ZNF69: variants seen among roughly 807,000 people sequenced by gnomAD.
The protein encoded by ZNF69 is zinc finger protein 69.
A neutral mutation model predicts 50.9 loss-of-function variants in ZNF69; 47 were observed. The ratio of observed to expected loss-of-function variants is 0.92; its 90% CI spans 0.73 to 1.18. The LOEUF (loss-of-function observed/expected upper bound fraction) is 1.18, where lower values mean the gene tolerates loss of function less well. Ranked by LOEUF, ZNF69 falls within the 50% of genes most tolerant of loss-of-function variation. The pLI is 0.00. For synonymous variants in ZNF69, 216 were observed against 223.1 expected (o/e 0.97, Z 0.29); for missense variants, 717 against 675.1 (o/e 1.06, Z -0.69).
At position 11,906,621 on chromosome 19, in the gene ZNF69, T is replaced by G. The variant is rs1010101793; in HGVS notation, c.*523T>G. ...GACCTCAGCTGAGGGTCCTGACTGT[T>G]AGAAGGAAAACTAACAAACAGAAAG... On this transcript the variant is annotated 3_prime_UTR_variant, in exon 4 of 4. Coordinates refer to ENST00000429654, the MANE Select transcript of ZNF69 (RefSeq NM_001364730.1). 1.3e-5 allele frequency among the ~76,000 whole-genome samples: 2 copies of G among 152,130 alleles called. No individual in the cohort carries two copies. Among genetic ancestry groups the G allele is most frequent in the Non-Finnish European group, 2.9e-5 (2 of 68,028 alleles).
chr19:11,955,984 G>A, the ZNF69 span, among the ~76,000 whole-genome samples: 1 of 152,128 alleles, frequency 6.6e-6, no homozygotes, highest in African/African-American at 2.4e-5. Context: ...TGAACACAAA[G>A]TTTGAGGGTA....
At chr19:11,968,137 G>A in the ZNF69 span, among the ~76,000 whole-genome samples, 1 of 152,078 alleles carries the variant, frequency 6.6e-6, no homozygotes, top group East Asian at 1.9e-4. Flanking sequence ...GGAGCTGATT[G>A]GTCTTTCTCT....
chr19:11,893,157 GT>G lies in ZNF69; in HGVS notation c.63+5173del, dbSNP rs1448668437. 2.6e-5 allele frequency among the ~76,000 whole-genome samples: 4 copies of G among 152,268 alleles called. 1 individual carries two copies. Among genetic ancestry groups the G allele is most frequent in the African/African-American group, 9.6e-5 (4 of 41,556 alleles). ...GCCTGACTTAGGTAGAAATTTTCTA[GT>G]TATGTAATCAGAGGTTAATTGGTGG... On this transcript the variant is annotated intron_variant, in intron 1 of 3. Transcript: ENST00000429654.
At chr19:11,948,375 G>A in the ZNF69 span, 7 of 1,613,896 alleles carry the variant, frequency 4.3e-6, no homozygotes, top group Admixed American at 5.0e-5. Context: ...TCCAGGAGAA[G>A]AAAGCTTCTC....
At chr19:11,944,340 C>T in the ZNF69 span, among the ~76,000 whole-genome samples, 1 of 152,074 alleles carries the variant, frequency 6.6e-6, no homozygotes, top group Non-Finnish European at 1.5e-5. Flanking sequence ...ACAGGGAGAG[C>T]TTGTACACAC....
chr19:11,917,091 G>C (rs1972528900), downstream of ZNF69, among the ~76,000 whole-genome samples: 2 of 152,142 alleles, frequency 1.3e-5, no homozygotes, highest in African/African-American at 4.8e-5. Context: ...AAGTACAGGT[G>C]GCCCCTGGGG....
the ZNF69 span, among the ~76,000 whole-genome samples, chr19:11,961,249 G>T: frequency 7.7e-4 from 118 of 152,302 alleles, no homozygotes; most frequent in East Asian, 0.021. Context: ...AGAGAACTCT[G>T]TCTCTCCAAC....
chr19:11,928,172 G>A, the ZNF69 span, among the ~76,000 whole-genome samples: 1 of 152,040 alleles, frequency 6.6e-6, no homozygotes. Flanking sequence ...TTTTTACAGA[G>A]GTTAGGTCTC....
chr19:11,979,241 A>G, the ZNF69 span: 1 of 1,612,168 alleles, frequency 6.2e-7, no homozygotes, highest in Non-Finnish European at 8.5e-7. Context: ...TCCTTTCAGT[A>G]TCATGAAAGG....
At chr19:11,896,762 A>G (rs1261648852) in intron 1 of ZNF69, among the ~76,000 whole-genome samples, 1 of 152,186 alleles carries the variant, frequency 6.6e-6, no homozygotes, top group Non-Finnish European at 1.5e-5. Flanking sequence ...CATATTCTAT[A>G]GAGCATCTTG....
At chr19:11,958,984 G>A in the ZNF69 span, among the ~76,000 whole-genome samples, 2 of 152,170 alleles carry the variant, frequency 1.3e-5, no homozygotes, top group African/African-American at 2.4e-5. Flanking sequence ...CCAGGTTCAA[G>A]CGATTCTCTT....
At chr19:11,937,210 C>T in the ZNF69 span, among the ~76,000 whole-genome samples, 1 of 152,160 alleles carries the variant, frequency 6.6e-6, no homozygotes. Context: ...GTGAGTTTTG[C>T]ATTTTCCATT....
At chr19:11,945,433 A>T in the ZNF69 span, among the ~76,000 whole-genome samples, 1 of 152,160 alleles carries the variant, frequency 6.6e-6, no homozygotes, top group African/African-American at 2.4e-5. Flanking sequence ...CTGGCTTGGG[A>T]ACAGGCAGGA....
the ZNF69 span, among the ~76,000 whole-genome samples, chr19:11,970,690 G>A: frequency 6.6e-6 from 1 of 152,158 alleles, no homozygotes; most frequent in Non-Finnish European, 1.5e-5. Context: ...CACACACTTT[G>A]GGAGGCTGAG....
At chr19:11,947,858 G>T in the ZNF69 span, among the ~76,000 whole-genome samples, 13 of 152,224 alleles carry the variant, frequency 8.5e-5, no homozygotes, top group East Asian at 1.9e-3. Flanking sequence ...CAAAAAATTA[G>T]CTGGGCATTG....
chr19:11,942,081 A>G, the ZNF69 span, among the ~76,000 whole-genome samples: 1 of 151,774 alleles, frequency 6.6e-6, no homozygotes. Flanking sequence ...TCTTACCAGC[A>G]TCTATCTAGC....
At chr19:11,939,461 A>C in the ZNF69 span, among the ~76,000 whole-genome samples, 1 of 152,198 alleles carries the variant, frequency 6.6e-6, no homozygotes, top group Non-Finnish European at 1.5e-5. Flanking sequence ...CAGTTCTCCC[A>C]GCACCATTTA....
the ZNF69 span, chr19:11,978,252 G>C: frequency 6.2e-7 from 1 of 1,613,912 alleles, no homozygotes; most frequent in Non-Finnish European, 8.5e-7. Flanking sequence ...TGATAACTTT[G>C]TATGTGGAGA....
At chr19:11,907,252 A>G (rs1049113868), downstream of ZNF69, among the ~76,000 whole-genome samples, 2 of 152,240 alleles carry the variant, frequency 1.3e-5, no homozygotes, top group African/African-American at 4.8e-5. Context: ...AACACTCTTC[A>G]GGATATTATT....
Sources: allele counts gnomAD v4.1 joint callset (sites outside exome capture counted in the v4.1 genomes callset), GRCh38; gene constraint gnomAD v4.1.1; transcripts MANE v1.5; gene names NCBI Gene and HGNC (gene_info 2026-07-23, HGNC 2026-07-21).